WDR70: variants seen among roughly 807,000 people sequenced by gnomAD.
WDR70 encodes WD repeat-containing protein 70.
WDR70 carries 53 observed loss-of-function variants against 88.6 expected under a neutral mutation model. The observed-to-expected ratio is 0.60, with a 90% CI of 0.48 to 0.75. The LOEUF is 0.75. Among genes scored for constraint, WDR70 ranks in the 30% least tolerant of loss-of-function variants. The probability of loss-of-function intolerance (pLI) is 0.00; values close to 1 mark genes in which losing one functional copy is unlikely to be tolerated. For synonymous variants in WDR70, 280 were observed against 270.0 expected (o/e 1.04, Z -0.36); for missense variants, 610 against 823.2 (o/e 0.74, Z 3.17).
chr5:37,443,685 T>A (rs1738350959), intron 7 of WDR70, among the ~76,000 whole-genome samples: 1 of 152,122 alleles, frequency 6.6e-6, no homozygotes, highest in Non-Finnish European at 1.5e-5. Flanking sequence ...AAAGCCCGTC[T>A]CTACTAAAAT....
intron 5 of WDR70, among the ~76,000 whole-genome samples, chr5:37,412,266 A>G (rs1270790015): frequency 6.6e-6 from 1 of 152,114 alleles, no homozygotes; most frequent in Non-Finnish European, 1.5e-5. Context: ...GCACGCCTGT[A>G]ATCCCAGCTA....
intron 7 of WDR70, among the ~76,000 whole-genome samples, chr5:37,451,298 T>C (rs1738670223): frequency 6.6e-6 from 1 of 152,178 alleles, no homozygotes; most frequent in African/African-American, 2.4e-5. Context: ...TCTGTTTGAT[T>C]GAGTATTCCT....
At chr5:37,578,852 C>A (rs1365893691) in intron 9 of WDR70, among the ~76,000 whole-genome samples, 1 of 152,212 alleles carries the variant, frequency 6.6e-6, no homozygotes, top group Non-Finnish European at 1.5e-5. Flanking sequence ...AGCCTAGATA[C>A]ATTTCCACAG....
chr5:37,615,027 A>T (rs1261002819), intron 10 of WDR70, among the ~76,000 whole-genome samples: 1 of 152,110 alleles, frequency 6.6e-6, no homozygotes, highest in East Asian at 1.9e-4. Flanking sequence ...ATGTTAAGAG[A>T]TTAAGAAAGA....
chr5:37,728,375 AAC>A (rs1274622345), intron 17 of WDR70, among the ~76,000 whole-genome samples: 3 of 151,588 alleles, frequency 2.0e-5, no homozygotes, highest in African/African-American at 4.8e-5. Context: ...AAAAAAAAAA[AAC>A]AAACTAAAAC....
chr5:37,441,014 A>G (rs767174030), intron 6 of WDR70, among the ~76,000 whole-genome samples: 1 of 152,208 alleles, frequency 6.6e-6, no homozygotes, highest in Non-Finnish European at 1.5e-5. Context: ...TGGTGCTTAT[A>G]CTCTTGAGGG....
intron 13 of WDR70, among the ~76,000 whole-genome samples, chr5:37,706,804 T>G (rs1747341794): frequency 6.6e-6 from 1 of 152,170 alleles, no homozygotes; most frequent in African/African-American, 2.4e-5. Flanking sequence ...TCTTTGTGAT[T>G]TGAATAGTAT....
At chr5:37,475,790 A>G (rs1412069431) in intron 7 of WDR70, among the ~76,000 whole-genome samples, 1 of 144,406 alleles carries the variant, frequency 6.9e-6, no homozygotes, top group Admixed American at 6.9e-5. Context: ...CACTGTTTTT[A>G]TTTGTCCATT....
At chr5:37,731,687 A>C (rs914745620) in intron 17 of WDR70, among the ~76,000 whole-genome samples, 29 of 152,124 alleles carry the variant, frequency 1.9e-4, no homozygotes, top group African/African-American at 6.8e-4. Context: ...AACATGGTGC[A>C]TGTTATTTTA....
intron 10 of WDR70, among the ~76,000 whole-genome samples, chr5:37,626,693 TATTA>T (rs1290103241): frequency 6.6e-6 from 1 of 152,200 alleles, no homozygotes; most frequent in African/African-American, 2.4e-5. Flanking sequence ...AAAGAATTGG[TATTA>T]ATTCTTCTTT....
intron 5 of WDR70, among the ~76,000 whole-genome samples, chr5:37,432,012 C>T (rs1322336808): frequency 1.3e-5 from 2 of 152,140 alleles, no homozygotes; most frequent in Non-Finnish European, 2.9e-5. Context: ...CTACTGTGAA[C>T]GTGGATGTAC....
intron 7 of WDR70, among the ~76,000 whole-genome samples, chr5:37,475,918 T>G (rs1739467987): frequency 6.7e-6 from 1 of 149,738 alleles, no homozygotes; most frequent in South Asian, 2.1e-4. Context: ...TGATCTCGGC[T>G]CACTGCAACC....
At chr5:37,716,274 G>A (rs940791444) in intron 13 of WDR70, among the ~76,000 whole-genome samples, 3 of 152,108 alleles carry the variant, frequency 2.0e-5, no homozygotes, top group African/African-American at 7.2e-5. Context: ...GAATAAGGGC[G>A]TTGTTTAGAT....
intron 9 of WDR70, among the ~76,000 whole-genome samples, chr5:37,560,622 C>T (rs1561901895): frequency 6.6e-6 from 1 of 152,022 alleles, no homozygotes; most frequent in Non-Finnish European, 1.5e-5. Flanking sequence ...ACTGCATATT[C>T]CAAATTATAA....
intron 6 of WDR70, among the ~76,000 whole-genome samples, chr5:37,439,063 G>T (rs973008072): frequency 2.0e-5 from 3 of 151,910 alleles, no homozygotes; most frequent in African/African-American, 7.3e-5. Flanking sequence ...GACTACAGGT[G>T]CCCGCCACCA....
chr5:37,699,548 C>T (rs901127245), intron 11 of WDR70, among the ~76,000 whole-genome samples: 2 of 152,078 alleles, frequency 1.3e-5, no homozygotes, highest in Non-Finnish European at 2.9e-5. Flanking sequence ...CAGGGTGTTA[C>T]AAGGTGCTTC....
chr5:37,703,001 A>T lies in WDR70; in HGVS notation c.1330A>T (p.Ile444Phe). 1 of 1,613,958 alleles carries T rather than the reference A, an allele frequency of 6.2e-7. No homozygotes were observed. The highest frequency in any genetic ancestry group is 1.1e-5 in the South Asian group (1 of 91,060). The part of the protein sequence containing the change: ...DDKLIVTGTS[I>F]QRGCGSGKLV... ...TAAGCTCATAGTCACTGGTACATCT[A>T]TTCAAAGAGGATGTGGCAGCGGCAA... The change falls in exon 13 of 18, where the codon ATT becomes TTT. Residue 444 changes from isoleucine (I) to phenylalanine (F), a missense_variant. Physicochemically the swap from Ile to Phe is conservative, Grantham distance 21. Coordinates refer to ENST00000265107, the MANE Select transcript of WDR70 (RefSeq NM_018034.4).
intron 10 of WDR70, among the ~76,000 whole-genome samples, chr5:37,692,408 C>T (rs1746826027): frequency 6.6e-6 from 1 of 152,000 alleles, no homozygotes. Context: ...GGCAGAGACA[C>T]AACAAAAAAA....
At chr5:37,605,030 T>C (rs760383387) in intron 9 of WDR70, 34 bp from the exon 10 acceptor site, 1 of 1,527,940 alleles carries the variant, frequency 6.5e-7, no homozygotes, top group African/African-American at 1.4e-5. Context: ...CTTTTTTTTT[T>C]TAAATAAATG....
Sources: gnomAD v4.1 joint callset for allele counts (sites outside exome capture counted in the v4.1 genomes callset) on GRCh38, gnomAD v4.1.1 for gene constraint, MANE v1.5 for transcripts, NCBI Gene and HGNC (gene_info 2026-07-23, HGNC 2026-07-21) for gene names.